MGAT5: variants seen among roughly 807,000 people sequenced by gnomAD.
The protein encoded by MGAT5 is alpha-1,6-mannosylglycoprotein 6-beta-N-acetylglucosaminyltransferase A.
Under a neutral mutation model 94.3 loss-of-function variants are expected in MGAT5, and 30 were observed. The observed-to-expected ratio is 0.32, with a 90% CI of 0.24 to 0.43. The LOEUF (loss-of-function observed/expected upper bound fraction) is 0.43. Ranked by LOEUF, MGAT5 falls within the 20% of genes least tolerant of loss-of-function variation. The probability of loss-of-function intolerance (pLI) is 1.00; values close to 1 mark genes in which losing one functional copy is unlikely to be tolerated. For missense variants in MGAT5, 691 were observed against 905.5 expected, an observed-to-expected ratio of 0.76 and a Z score of 3.04; for synonymous variants, 310 against 322.9, an observed-to-expected ratio of 0.96 and a Z score of 0.43.
chr2:134,355,903 G>T (rs1254991488), intron 9 of MGAT5, among the ~76,000 whole-genome samples: 1 of 152,120 alleles, frequency 6.6e-6, no homozygotes, highest in Non-Finnish European at 1.5e-5. Flanking sequence ...CCTGGTTTCA[G>T]ATCTCAGACC....
At chr2:134,417,773 G>A (rs1182650142) in intron 12 of MGAT5, among the ~76,000 whole-genome samples, 1 of 151,788 alleles carries the variant, frequency 6.6e-6, no homozygotes, top group East Asian at 1.9e-4. Flanking sequence ...TCAAATTTTT[G>A]TATCATATAG....
rs954876625 is a variant in MGAT5 at position 134,453,627 on chromosome 2, G to GC, written c.*4784dup. 112 of 152,284 alleles carry GC rather than the reference G, an allele frequency of 7.4e-4. No homozygotes were observed. Among genetic ancestry groups the GC allele is most frequent in the African/African-American group, 2.5e-3 (104 of 41,550 alleles). The allele number at this position is 152,284 out of a possible 1,614,324, so 9.4% of individuals were successfully genotyped here. A position where few individuals can be genotyped will look rare whatever the true frequency, so the allele number is the denominator to read the frequency against. ...TTGCCGGCCCCTACAGGCTGGGGTG[G>GC]CCCCTCCTGTCCTCAGGGATCAGAC... On this transcript the variant is annotated 3_prime_UTR_variant, in exon 16 of 16. Transcript: ENST00000281923.
chr2:134,405,307 AG>A (rs2106306030), intron 11 of MGAT5, among the ~76,000 whole-genome samples: 1 of 152,346 alleles, frequency 6.6e-6, no homozygotes, highest in East Asian at 1.9e-4. Flanking sequence ...ACCCGTGTAG[AG>A]GATGTCACTG....
chr2:134,368,386 G>A (rs1680568011), intron 10 of MGAT5, among the ~76,000 whole-genome samples: 1 of 152,206 alleles, frequency 6.6e-6, no homozygotes, highest in South Asian at 2.1e-4. Context: ...AGACCCTAGG[G>A]CCTGATGTGG....
At chr2:134,208,081 G>A (rs898627624) in intron 1 of MGAT5, among the ~76,000 whole-genome samples, 2 of 151,982 alleles carry the variant, frequency 1.3e-5, no homozygotes, top group Non-Finnish European at 2.9e-5. Context: ...GATAAGTGAA[G>A]GATCCCCAAG....
chr2:134,174,903 T>G (rs1688386706), intron 1 of MGAT5, among the ~76,000 whole-genome samples: 1 of 152,244 alleles, frequency 6.6e-6, no homozygotes, highest in Non-Finnish European at 1.5e-5. Context: ...TTGCCTGTGA[T>G]GCATGTCAGT....
rs61468881 is a variant in MGAT5, at chr2:134,423,476, A to G, written c.1794+557A>G. Among the ~76,000 whole-genome samples, 1,511 of 152,172 alleles carry G rather than the reference A, an allele frequency of 9.9e-3. 29 individuals are homozygous for G. Among genetic ancestry groups the G allele is most frequent in the African/African-American group, 0.034 (1,415 of 41,512 alleles). On this transcript the variant is annotated intron_variant, in intron 13 of 15. Transcript: ENST00000281923. ...GGAGGGCGGGGTGTTTACTTCCATA[A>G]TCATAGAGGAGGCTGGCTTCCCACC...
At chr2:134,130,209 CCCACA>C (rs1183998988) in intron 1 of MGAT5, among the ~76,000 whole-genome samples, 2 of 92,856 alleles carry the variant, frequency 2.2e-5, no homozygotes, top group South Asian at 4.1e-4. Context: ...CCCGCCCCGC[CCCACA>C]CCGCCCCACA....
rs1466995008 is a variant in MGAT5 at position 134,452,744 on chromosome 2, C to G, written c.*3897C>G. 6.6e-6 allele frequency: 1 copy of G among 152,188 alleles called. No homozygotes were observed. The highest frequency in any genetic ancestry group is 1.5e-5 in the Non-Finnish European group (1 of 68,040). 9.4% of individuals were successfully genotyped at this position (152,188 alleles called of 1,614,324 possible). A position where few individuals can be genotyped will look rare whatever the true frequency, so the allele number is the denominator to read the frequency against. ...CTGTTGTATGTGTTACTATCCCAAG[C>G]CTGGATTATTTTATTTATTTAAAAG... On this transcript the variant is annotated 3_prime_UTR_variant, in exon 16 of 16. Transcript: ENST00000281923.
At chr2:134,343,752 C>G (rs1688762028) in intron 7 of MGAT5, among the ~76,000 whole-genome samples, 1 of 152,154 alleles carries the variant, frequency 6.6e-6, no homozygotes, top group Non-Finnish European at 1.5e-5. Context: ...GCTCAGCAGG[C>G]CAAATCAGCC....
intron 3 of MGAT5, 145 bp downstream of exon 3, chr2:134,317,750 G>C (rs761916402): frequency 3.9e-6 from 2 of 508,300 alleles, no homozygotes; most frequent in African/African-American, 2.0e-5. Flanking sequence ...TGCCGGCTTT[G>C]TCTGTGGCTA....
intron 1 of MGAT5, among the ~76,000 whole-genome samples, chr2:134,248,118 A>G (rs934471725): frequency 6.6e-6 from 1 of 152,170 alleles, no homozygotes; most frequent in Non-Finnish European, 1.5e-5. Flanking sequence ...TTTTACTACT[A>G]AGGGTAAAAT....
At chr2:134,427,064 A>G (rs948954285) in intron 13 of MGAT5, among the ~76,000 whole-genome samples, 6 of 152,198 alleles carry the variant, frequency 3.9e-5, no homozygotes, top group Admixed American at 3.3e-4. Context: ...GTGATTTGGC[A>G]TACGAGAAAG....
At chr2:134,387,328 A>AT (rs1461083019) in intron 10 of MGAT5, among the ~76,000 whole-genome samples, 64 of 40,258 alleles carry the variant, frequency 1.6e-3, no homozygotes, top group South Asian at 2.2e-3. Context: ...ATATATATAT[A>AT]TATATTTTTT....
Position 134,233,578 on chromosome 2 carries a change from G to A in MGAT5, c.-142-20684G>A, listed in dbSNP as rs942616769. ...CACAACTGCTTTAGAATAAAACTAG[G>A]TCAGCAAAGGCAGATCTTAATGTAT... On this transcript the variant is annotated intron_variant, in intron 1 of 16. Coordinates refer to the MGAT5 transcript ENST00000409645. Among the ~76,000 whole-genome samples, 91 of 152,280 alleles carry A rather than the reference G, an allele frequency of 6.0e-4. 1 individual carries two copies. The highest frequency in any genetic ancestry group is 2.2e-3 in the African/African-American group (90 of 41,552).
At chr2:134,300,900 G>T (rs2105820577) in intron 2 of MGAT5, among the ~76,000 whole-genome samples, 1 of 152,230 alleles carries the variant, frequency 6.6e-6, no homozygotes, top group South Asian at 2.1e-4. Flanking sequence ...ACCCTGCACA[G>T]CCCAGTTCTT....
At chr2:134,406,598 G>A (rs557739315) in intron 11 of MGAT5, among the ~76,000 whole-genome samples, 1 of 152,150 alleles carries the variant, frequency 6.6e-6, no homozygotes, top group African/African-American at 2.4e-5. Context: ...CCTGTCTAAG[G>A]CAGGTGCGGT....
chr2:134,340,189 A>AT (rs1688546420), intron 6 of MGAT5, among the ~76,000 whole-genome samples: 1 of 152,184 alleles, frequency 6.6e-6, no homozygotes, highest in Admixed American at 6.6e-5. Flanking sequence ...CAGGCCTATA[A>AT]ATAGTAATAA....
intron 1 of MGAT5, among the ~76,000 whole-genome samples, chr2:134,222,023 T>C (rs1680799980): frequency 6.6e-6 from 1 of 151,860 alleles, no homozygotes; most frequent in Admixed American, 6.6e-5. Context: ...CTTGTTCCTC[T>C]GATTTGATGG....
Sources: allele counts gnomAD v4.1 joint callset (sites outside exome capture counted in the v4.1 genomes callset), GRCh38; gene constraint gnomAD v4.1.1; transcripts MANE v1.5; gene names NCBI Gene and HGNC (gene_info 2026-07-23, HGNC 2026-07-21).